Variants in PARVA observed in about 807,000 individuals in gnomAD.
PARVA encodes parvin alpha.
PARVA carries 25 observed loss-of-function variants against 52.6 expected under a neutral mutation model. The ratio of observed to expected loss-of-function variants is 0.48; its 90% CI spans 0.35 to 0.66. PARVA has a LOEUF of 0.66. PARVA is among the 30% of genes least tolerant of loss of function. The pLI, the probability that PARVA is intolerant of heterozygous loss-of-function variation, is 0.01. For synonymous variants in PARVA, 185 were observed against 179.1 expected (o/e 1.03, Z -0.26); for missense variants, 373 against 450.9 (o/e 0.83, Z 1.56).
At chr11:12,511,413 G>C in intron 7 of PARVA, 101 bp from the exon 8 acceptor site, 1 of 1,271,240 alleles carries the variant, frequency 7.9e-7, no homozygotes, top group South Asian at 1.3e-5. Flanking sequence ...CAGGCAGCAT[G>C]GGGTGGGCTT....
upstream of PARVA, chr11:12,377,489 G>A (rs574574133): frequency 6.6e-4 from 937 of 1,412,166 alleles, no homozygotes; most frequent in Non-Finnish European, 8.1e-4. Context: ...AGCGAGGGAG[G>A]GAGCGAGGGA....
rs1484375205 is a variant in PARVA, at chr11:12,518,489, G to A, written c.1014G>A (p.Gly338=). The A allele has an allele frequency of 1.2e-6, 2 of 1,613,774 alleles. No homozygotes were observed. The highest frequency in any genetic ancestry group is 1.7e-6 in the Non-Finnish European group (2 of 1,179,818). Residue 338 remains glycine, a synonymous_variant, in exon 12 of 13, where the codon GGG becomes GGA. Transcript: ENST00000334956. ...SFAFELMQDG[G]LEKPKPRPED... ...CCTTTGAGCTCATGCAAGATGGAGG[G>A]TTGGAAAAGCCAAAACCGCGGCCAG...
chr11:12,504,737 G>C (rs1941412168), intron 6 of PARVA, among the ~76,000 whole-genome samples: 1 of 144,018 alleles, frequency 6.9e-6, no homozygotes, highest in South Asian at 2.2e-4. Flanking sequence ...GTATGTATGT[G>C]AGCTGTGTGT....
intron 1 of PARVA, among the ~76,000 whole-genome samples, chr11:12,406,257 C>T (rs1939904342): frequency 6.6e-6 from 1 of 152,208 alleles, no homozygotes; most frequent in Admixed American, 6.5e-5. Context: ...GATAGAATTC[C>T]ATTTTCTCTG....
In PARVA at chr11:12,457,901, T is replaced by C. The variant is rs188749269; in HGVS notation, c.137-15844T>C. On this transcript the variant is annotated intron_variant, in intron 1 of 12. Transcript: ENST00000334956. ...CCATGAAGCCCTCCCTGGTCCCCCC[T>C]GGCAGTGTGAGGCTCACCTAGGGGT... 2.5e-3 allele frequency among the ~76,000 whole-genome samples: 388 copies of C among 152,332 alleles called. 1 individual carries two copies. Among genetic ancestry groups the C allele is most frequent in the African/African-American group, 8.8e-3 (367 of 41,588 alleles).
chr11:12,472,555 T>C (rs776876506), intron 1 of PARVA, among the ~76,000 whole-genome samples: 2 of 152,198 alleles, frequency 1.3e-5, no homozygotes, highest in Non-Finnish European at 2.9e-5. Flanking sequence ...CTCCCTTTGT[T>C]TCTCAGTCTC....
intron 1 of PARVA, among the ~76,000 whole-genome samples, chr11:12,466,848 C>T (rs546860775): frequency 1.3e-5 from 2 of 152,184 alleles, no homozygotes; most frequent in South Asian, 2.1e-4. Flanking sequence ...CGTTATTCTT[C>T]CATATTTTGT....
At chr11:12,406,948 G>A (rs1939921657) in intron 1 of PARVA, among the ~76,000 whole-genome samples, 1 of 152,120 alleles carries the variant, frequency 6.6e-6, no homozygotes, top group Non-Finnish European at 1.5e-5. Flanking sequence ...GGGATTACAG[G>A]CGTGAGCCAC....
At chr11:12,437,854 C>T (rs1022376433) in intron 1 of PARVA, among the ~76,000 whole-genome samples, 1 of 152,188 alleles carries the variant, frequency 6.6e-6, no homozygotes, top group African/African-American at 2.4e-5. Flanking sequence ...CACCCCGTGA[C>T]TTTGTACCTC....
At position 12,534,808 on chromosome 11, in the gene PARVA, G is replaced by C. The variant is rs867583320; in HGVS notation, c.*6883G>C. ...TCAAAGGCCTTACCGCCTGCCTGGA[G>C]AAACACAGTGCCTGCCCTTGGCAAA... is the stretch of plus-strand genomic sequence containing the variant. On this transcript the variant is annotated 3_prime_UTR_variant, in exon 13 of 13. Coordinates refer to ENST00000334956, the MANE Select transcript of PARVA (RefSeq NM_018222.5). 7.2e-5 allele frequency among the ~76,000 whole-genome samples: 11 copies of C among 152,258 alleles called. No homozygotes were observed. The highest frequency in any genetic ancestry group is 5.9e-4 in the Admixed American group (9 of 15,286).
At chr11:12,465,943 T>G (rs1940848779) in intron 1 of PARVA, among the ~76,000 whole-genome samples, 1 of 152,264 alleles carries the variant, frequency 6.6e-6, no homozygotes, top group Non-Finnish European at 1.5e-5. Context: ...TGGCTCTTAC[T>G]ATTTTGCATT....
At chr11:12,504,191 G>T in intron 5 of PARVA, 123 bp from the exon 6 acceptor site, 1 of 642,298 alleles carries the variant, frequency 1.6e-6, no homozygotes, top group African/African-American at 1.8e-5. Flanking sequence ...TTCAGCATGA[G>T]ATTTGGGCAG....
chr11:12,445,054 CAG>C (rs1940525856), intron 1 of PARVA, among the ~76,000 whole-genome samples: 1 of 152,130 alleles, frequency 6.6e-6, no homozygotes, highest in Admixed American at 6.5e-5. Flanking sequence ...CTTGAGTGCA[CAG>C]AGCCAACTGT....
At position 12,529,353 on chromosome 11, in the gene PARVA, C is replaced by G. The variant is rs1288709791; in HGVS notation, c.*1428C>G. ...AGGGGGGTGGGCAGTGACTAGGGGA[C>G]GAGAAGCATGGGGAAAATATTTGCA... On this transcript the variant is annotated 3_prime_UTR_variant, in exon 13 of 13. Transcript: ENST00000334956. The G allele has an allele frequency of 6.6e-6, 1 of 151,928 alleles. No individual in the cohort carries two copies. The highest frequency in any genetic ancestry group is 6.6e-5 in the Admixed American group (1 of 15,262). The allele number at this position is 151,928 out of a possible 1,614,324, so 9.4% of individuals were successfully genotyped here.
chr11:12,396,920 T>G (rs1284649612), intron 1 of PARVA, among the ~76,000 whole-genome samples: 3 of 117,044 alleles, frequency 2.6e-5, no homozygotes, highest in African/African-American at 1.1e-4. Context: ...TTTCCTTTCA[T>G]GTACTTGTTT....
chr11:12,415,834 C>T (rs1023342246), intron 1 of PARVA, among the ~76,000 whole-genome samples: 1 of 152,078 alleles, frequency 6.6e-6, no homozygotes, highest in Non-Finnish European at 1.5e-5. Context: ...TTTTTCAGCC[C>T]AATTTTATTT....
chr11:12,507,613 G>A (rs915134982), intron 6 of PARVA, among the ~76,000 whole-genome samples: 5 of 152,062 alleles, frequency 3.3e-5, no homozygotes, highest in Admixed American at 2.0e-4. Flanking sequence ...CAGCTCCAGG[G>A]CCCCCTCCCC....
At chr11:12,489,977 G>A (rs760632732) in intron 4 of PARVA, among the ~76,000 whole-genome samples, 1 of 152,168 alleles carries the variant, frequency 6.6e-6, no homozygotes, top group Non-Finnish European at 1.5e-5. Context: ...AGCATTTTGG[G>A]AGGCCAAGGC....
intron 12 of PARVA, among the ~76,000 whole-genome samples, chr11:12,522,984 G>C (rs1168877105): frequency 6.6e-6 from 1 of 152,042 alleles, no homozygotes; most frequent in Non-Finnish European, 1.5e-5. Context: ...AGAAGGGGGA[G>C]GGGATGCTTC....
Sources: gnomAD v4.1 joint callset for allele counts (sites outside exome capture counted in the v4.1 genomes callset) on GRCh38, gnomAD v4.1.1 for gene constraint, MANE v1.5 for transcripts, NCBI Gene and HGNC (gene_info 2026-07-23, HGNC 2026-07-21) for gene names.